The following RIC1 variants were observed in gnomAD, a reference collection of about 807,000 sequenced individuals.
RIC1 encodes RIC1 partner of RAB6A GEF complex.
Under a neutral mutation model 169.0 loss-of-function variants are expected in RIC1, and 88 were observed. The ratio of observed to expected loss-of-function variants is 0.52; its 90% confidence interval spans 0.44 to 0.62. The LOEUF (loss-of-function observed/expected upper bound fraction) is 0.62. Ranked by LOEUF, RIC1 falls within the 20% of genes least tolerant of loss-of-function variation. RIC1 has a pLI of 0.00. For missense variants in RIC1, 1,877 were observed against 1,725.5 expected, an observed-to-expected ratio of 1.09 and a Z score of -1.56; for synonymous variants, 790 against 601.5, an observed-to-expected ratio of 1.31 and a Z score of -4.59.
At chr9:5,644,020 C>T (rs1308731680) in intron 1 of RIC1, among the ~76,000 whole-genome samples, 1 of 152,040 alleles carries the variant, frequency 6.6e-6, no homozygotes, top group Non-Finnish European at 1.5e-5. Flanking sequence ...CAAAAATTTA[C>T]CTATGAAAAT....
chr9:5,638,835 T>G (rs1818099801), intron 1 of RIC1, among the ~76,000 whole-genome samples: 1 of 152,206 alleles, frequency 6.6e-6, no homozygotes, highest in Non-Finnish European at 1.5e-5. Context: ...TCCATCTTTA[T>G]TATTTCTGTT....
rs370834326 is a variant in RIC1, at chr9:5,648,317, A to G, written c.145-8266A>G. Among the ~76,000 whole-genome samples the G allele has an allele frequency of 5.3e-5, 8 of 152,048 alleles. No individual in the cohort carries two copies. The South Asian group carries it at 8.3e-4, about 16-fold the overall frequency. The stretch of plus-strand genomic sequence containing the variant: ...GTTTTTTATATATGGCCTTTTTATT[A>G]TCTTGAGATAGTTTGCTTCTATTCA... On this transcript the variant is annotated intron_variant, in intron 1 of 25. Transcript: ENST00000414202.
At chr9:5,726,602 T>G (rs1358630988) in intron 6 of RIC1, among the ~76,000 whole-genome samples, 2 of 152,242 alleles carry the variant, frequency 1.3e-5, no homozygotes, top group Non-Finnish European at 2.9e-5. Flanking sequence ...CATTATGATG[T>G]TAGCTGGTTA....
At chr9:5,663,245 G>A (rs1586902693) in intron 2 of RIC1, among the ~76,000 whole-genome samples, 3 of 152,216 alleles carry the variant, frequency 2.0e-5, no homozygotes, top group East Asian at 1.9e-4. Context: ...TTTTACTTCC[G>A]ATTATGTGAT....
intron 1 of RIC1, among the ~76,000 whole-genome samples, chr9:5,633,458 C>G (rs754374709): frequency 6.6e-6 from 1 of 152,148 alleles, no homozygotes; most frequent in Non-Finnish European, 1.5e-5. Flanking sequence ...TCATTTCTGC[C>G]TGTCAGAGTA....
At chr9:5,670,721 T>G (rs531943347) in intron 2 of RIC1, among the ~76,000 whole-genome samples, 2 of 152,312 alleles carry the variant, frequency 1.3e-5, no homozygotes, top group African/African-American at 2.4e-5. Flanking sequence ...TACAATTGAT[T>G]TATCAAGACA....
chr9:5,725,183 G>A (rs145087157), intron 6 of RIC1, among the ~76,000 whole-genome samples: 303 of 152,198 alleles, frequency 2.0e-3, no homozygotes, highest in African/African-American at 6.7e-3. Context: ...AATCTGTCTC[G>A]TCCTGGACTT....
At chr9:5,659,140 A>G (rs1187807354) in intron 2 of RIC1, among the ~76,000 whole-genome samples, 1 of 152,154 alleles carries the variant, frequency 6.6e-6, no homozygotes, top group African/African-American at 2.4e-5. Context: ...TTACAGTACA[A>G]TATGTTAAAG....
intron 1 of RIC1, among the ~76,000 whole-genome samples, chr9:5,637,148 C>G (rs1818009741): frequency 6.6e-6 from 1 of 152,122 alleles, no homozygotes; most frequent in African/African-American, 2.4e-5. Flanking sequence ...CAATCTCTGC[C>G]TACTGGGCTC....
intron 7 of RIC1, among the ~76,000 whole-genome samples, chr9:5,733,022 G>T (rs1439294497): frequency 6.6e-6 from 1 of 152,002 alleles, no homozygotes; most frequent in Non-Finnish European, 1.5e-5. Context: ...TGATACATTA[G>T]AAAACAAAGA....
chr9:5,656,741 G>A (rs373800117), intron 2 of RIC1, 51 bp downstream of exon 2: 129 of 1,028,374 alleles, frequency 1.3e-4, no homozygotes, highest in Non-Finnish European at 1.6e-4. Flanking sequence ...TCATTACATC[G>A]CATTTAAATT....
intron 21 of RIC1, among the ~76,000 whole-genome samples, chr9:5,766,200 C>T (rs1232752510): frequency 6.6e-6 from 1 of 152,188 alleles, no homozygotes; most frequent in Non-Finnish European, 1.5e-5. Context: ...TGCCACCACA[C>T]TCGGCTAATT....
rs772093288 is a variant in RIC1 at position 5,738,500 on chromosome 9, T to C, written c.863T>C (p.Leu288Pro). 1.2e-6 allele frequency: 2 copies of C among 1,605,632 alleles called. No homozygotes were observed. Among genetic ancestry groups the C allele is most frequent in the Admixed American group, 1.7e-5 (1 of 59,058 alleles). ...TIDNSTGAML[L>P]SHKLELTAKQ... ...GATAACAGCACTGGAGCCATGCTGC[T>C]ATCTCATAAATTAGAGCTAACAGCA... The change falls in exon 8 of 26, where the codon CTA becomes CCA. Residue 288 changes from leucine (L) to proline (P), a missense_variant. Transcript: ENST00000414202.
intron 7 of RIC1, among the ~76,000 whole-genome samples, chr9:5,736,056 T>A (rs1824684973): frequency 6.6e-6 from 1 of 152,238 alleles, no homozygotes; most frequent in African/African-American, 2.4e-5. Context: ...ATAGAATACC[T>A]AAAAGATTGT....
At chr9:5,752,103 T>C (rs1825756508) in intron 12 of RIC1, among the ~76,000 whole-genome samples, 1 of 152,158 alleles carries the variant, frequency 6.6e-6, no homozygotes, top group Non-Finnish European at 1.5e-5. Flanking sequence ...AAAACGAAAA[T>C]TTACTTTATC....
chr9:5,686,633 G>A (rs868581035), intron 2 of RIC1, among the ~76,000 whole-genome samples: 7 of 129,756 alleles, frequency 5.4e-5, no homozygotes, highest in African/African-American at 2.0e-4. Flanking sequence ...GTGGTGGGGT[G>A]GGGGGAGGGG....
At chr9:5,715,883 G>A (rs769168241) in intron 4 of RIC1, among the ~76,000 whole-genome samples, 1 of 151,262 alleles carries the variant, frequency 6.6e-6, no homozygotes, top group East Asian at 2.0e-4. Flanking sequence ...AAGTGCAGTG[G>A]CACAATCACA....
intron 1 of RIC1, among the ~76,000 whole-genome samples, chr9:5,635,205 C>T (rs551654830): frequency 6.6e-6 from 1 of 152,126 alleles, no homozygotes; most frequent in Non-Finnish European, 1.5e-5. Context: ...GTCTCAGACT[C>T]CTGGACACAA....
At chr9:5,740,809 G>A (rs1186384354) in intron 8 of RIC1, among the ~76,000 whole-genome samples, 5 of 152,000 alleles carry the variant, frequency 3.3e-5, no homozygotes, top group South Asian at 2.1e-4. Context: ...AGACACACCC[G>A]GGATTAATAC....
Sources: gnomAD v4.1 joint callset for allele counts (sites outside exome capture counted in the v4.1 genomes callset) on GRCh38, gnomAD v4.1.1 for gene constraint, MANE v1.5 for transcripts, NCBI Gene and HGNC (gene_info 2026-07-23, HGNC 2026-07-21) for gene names.